NR6A1: variants seen among roughly 807,000 people sequenced by gnomAD.
NR6A1 encodes retinoic acid receptor-related testis-associated receptor.
A neutral mutation model predicts 59.1 loss-of-function variants in NR6A1; 7 were observed. The observed-to-expected ratio is 0.12, with a 90% CI of 0.07 to 0.22. The LOEUF is 0.22. Ranked by LOEUF, NR6A1 falls within the 10% of genes least tolerant of loss-of-function variation. The pLI, the probability that NR6A1 is intolerant of heterozygous loss-of-function variation, is 1.00. For missense variants in NR6A1, 468 were observed against 611.6 expected, an observed-to-expected ratio of 0.77 and a Z score of 2.48; for synonymous variants, 243 against 236.1, an observed-to-expected ratio of 1.03 and a Z score of -0.27.
intron 1 of NR6A1, among the ~76,000 whole-genome samples, chr9:124,757,357 T>C (rs1020450572): frequency 1.3e-5 from 2 of 150,700 alleles, no homozygotes; most frequent in African/African-American, 4.9e-5. Context: ...AAGTTTCAAA[T>C]AACTTGATGT....
chr9:124,526,948 G>A (rs762128162), intron 7 of NR6A1, 48 bp from the exon 8 acceptor site: 14 of 1,608,392 alleles, frequency 8.7e-6, no homozygotes, highest in Admixed American at 3.3e-5. Flanking sequence ...CACCAGTAGG[G>A]GCCAGGAAAG....
intron 2 of NR6A1, among the ~76,000 whole-genome samples, chr9:124,678,249 G>T (rs561385841): frequency 6.6e-6 from 1 of 152,192 alleles, no homozygotes; most frequent in Non-Finnish European, 1.5e-5. Context: ...ATTCCTACAC[G>T]GTCTTAGCCC....
Position 124,631,740 on chromosome 9 carries a change from T to C in NR6A1, c.143-77170A>G, listed in dbSNP as rs1363646207. On this transcript the variant is annotated intron_variant, in intron 2 of 9. Coordinates refer to ENST00000487099, the MANE Select transcript of NR6A1 (RefSeq NM_033334.4). ...CAGGTAAACATGTCTCATGGAAGTT[T>C]GTTGTACAGATCATTTCATCACCCA... 2.6e-5 allele frequency among the ~76,000 whole-genome samples: 4 copies of C among 152,332 alleles called. No individual in the cohort carries two copies. In the East Asian group the frequency reaches 7.7e-4, roughly 29 times the overall value.
chr9:124,527,766 G>C (rs1374425387), intron 7 of NR6A1, among the ~76,000 whole-genome samples: 2 of 145,262 alleles, frequency 1.4e-5, no homozygotes, highest in African/African-American at 5.7e-5. Flanking sequence ...CTAGGAGTGA[G>C]CTCTCTGAGG....
chr9:124,617,547 C>CTTA (rs1239932287), intron 2 of NR6A1, among the ~76,000 whole-genome samples: 1 of 152,092 alleles, frequency 6.6e-6, no homozygotes, highest in African/African-American at 2.4e-5. Flanking sequence ...AGGAAAAAGT[C>CTTA]TTAGGGCTGG....
At chr9:124,636,394 C>G (rs1483494051) in intron 2 of NR6A1, among the ~76,000 whole-genome samples, 1 of 152,008 alleles carries the variant, frequency 6.6e-6, no homozygotes, top group Admixed American at 6.6e-5. Context: ...GTGTTTTTAA[C>G]AGAAGAGAAG....
rs141264928 is a variant in NR6A1, at chr9:124,639,936, T to C, written c.143-85366A>G. On this transcript the variant is annotated intron_variant, in intron 2 of 9. Transcript: ENST00000487099. The stretch of plus-strand genomic sequence containing the variant: ...ATTTTTCACTTAGATAGCAGGGCTG[T>C]ACAAAACACCCTGTCATACAGGGTA... 8.5e-4 allele frequency among the ~76,000 whole-genome samples: 130 copies of C among 152,260 alleles called. 2 individuals are homozygous for C. The highest frequency in any genetic ancestry group is 2.5e-3 in the African/African-American group (102 of 41,570).
intron 7 of NR6A1, among the ~76,000 whole-genome samples, chr9:124,535,543 A>G (rs1367209493): frequency 6.6e-6 from 1 of 152,246 alleles, no homozygotes; most frequent in Non-Finnish European, 1.5e-5. Flanking sequence ...GCGCCACTAC[A>G]TTCCAGCCTG....
intron 2 of NR6A1, among the ~76,000 whole-genome samples, chr9:124,624,679 A>C (rs1248824158): frequency 2.0e-5 from 3 of 152,346 alleles, no homozygotes; most frequent in Non-Finnish European, 2.9e-5. Flanking sequence ...AAAAAACATG[A>C]AACAGCTCTT....
At chr9:124,659,506 A>T (rs1410612030) in intron 2 of NR6A1, among the ~76,000 whole-genome samples, 1 of 152,072 alleles carries the variant, frequency 6.6e-6, no homozygotes, top group South Asian at 2.1e-4. Flanking sequence ...GGCAAGGGGG[A>T]ATGCAGAGGG....
rs974595351 is a variant in NR6A1 at position 124,771,217 on chromosome 9, G to C, written c.-98C>G. 9.8e-5 allele frequency: 61 copies of C among 623,318 alleles called. No individual in the cohort carries two copies. The African/African-American group carries it at 1.1e-3, about 11-fold the overall frequency. 38.6% of individuals were successfully genotyped at this position (623,318 alleles called of 1,614,324 possible). On this transcript the variant is annotated 5_prime_UTR_variant, in exon 1 of 10. Coordinates refer to ENST00000487099, the MANE Select transcript of NR6A1 (RefSeq NM_033334.4). ...TCCGCCGAGGGGAGGAGGTTGTCAG[G>C]AGCCCGCGAGCTCCCGGCCGCGGCT...
At chr9:124,731,126 C>A (rs562947679) in intron 2 of NR6A1, among the ~76,000 whole-genome samples, 1 of 152,158 alleles carries the variant, frequency 6.6e-6, no homozygotes. Flanking sequence ...AATCCTAGCA[C>A]TTTGGGAGGC....
chr9:124,689,041 A>T (rs1838433992), intron 2 of NR6A1, among the ~76,000 whole-genome samples: 1 of 152,200 alleles, frequency 6.6e-6, no homozygotes, highest in Admixed American at 6.5e-5. Context: ...TGTCCTTAAA[A>T]CACATATATG....
In NR6A1 at chr9:124,522,804, G is replaced by C. The variant is rs773061023; in HGVS notation, c.1355-11C>G. The stretch of plus-strand genomic sequence containing the variant: ...CATTCACCATCTTTCCTGGGAACAA[G>C]GGGGGAGAAGAAGAGTTAGCAGTGG... On this transcript the variant is annotated splice_polypyrimidine_tract_variant and intron_variant, in intron 9 of 9. Coordinates refer to ENST00000487099, the MANE Select transcript of NR6A1 (RefSeq NM_033334.4). 3 of 1,569,686 alleles carry C rather than the reference G, an allele frequency of 1.9e-6. No individual in the cohort carries two copies. The highest frequency in any genetic ancestry group is 1.4e-5 in the African/African-American group (1 of 73,900).
chr9:124,693,775 T>C (rs762676586), intron 2 of NR6A1: 20 of 534,482 alleles, frequency 3.7e-5, no homozygotes, highest in Non-Finnish European at 6.5e-5. Context: ...CACTGATCAA[T>C]GAATGCAAAC....
chr9:124,572,693 T>C (rs572144835), intron 2 of NR6A1, among the ~76,000 whole-genome samples: 1 of 152,174 alleles, frequency 6.6e-6, no homozygotes, highest in Non-Finnish European at 1.5e-5. Flanking sequence ...ACTTCTATAA[T>C]GAAGCATTTC....
intron 2 of NR6A1, among the ~76,000 whole-genome samples, chr9:124,618,489 T>A (rs997627688): frequency 6.7e-6 from 1 of 150,280 alleles, no homozygotes; most frequent in African/African-American, 2.5e-5. Context: ...TCTCAAAAAA[T>A]AAAAAAAATA....
At chr9:124,618,536 G>A (rs535223482) in intron 2 of NR6A1, among the ~76,000 whole-genome samples, 1 of 152,246 alleles carries the variant, frequency 6.6e-6, no homozygotes, top group East Asian at 1.9e-4. Flanking sequence ...CGAGCCCAGA[G>A]CAGTTAGGTT....
chr9:124,547,544 C>T (rs1199734505), intron 3 of NR6A1, among the ~76,000 whole-genome samples: 1 of 152,200 alleles, frequency 6.6e-6, no homozygotes, highest in African/African-American at 2.4e-5. Context: ...AAAAATCTGG[C>T]AACATCACCT....
Sources: allele counts gnomAD v4.1 joint callset (sites outside exome capture counted in the v4.1 genomes callset), GRCh38; gene constraint gnomAD v4.1.1; transcripts MANE v1.5; gene names NCBI Gene and HGNC (gene_info 2026-07-23, HGNC 2026-07-21).